XYLT1: variants seen among roughly 807,000 people sequenced by gnomAD.
The protein encoded by XYLT1 is beta-D-xylosyltransferase 1.
Under a neutral mutation model 91.3 loss-of-function variants are expected in XYLT1, and 36 were observed. That is an observed-to-expected ratio of 0.39 (90% CI 0.30 to 0.52). The LOEUF is 0.52. Among genes scored for constraint, XYLT1 ranks in the 20% least tolerant of loss-of-function variants. The pLI is 0.68. For synonymous variants in XYLT1, 588 were observed against 532.0 expected, an observed-to-expected ratio of 1.11 and a Z score of -1.45; for missense variants, 1,242 against 1,284.5, an observed-to-expected ratio of 0.97 and a Z score of 0.51.
chr16:17,135,999 G>A (rs954392353), intron 8 of XYLT1, among the ~76,000 whole-genome samples: 1 of 152,118 alleles, frequency 6.6e-6, no homozygotes, highest in Non-Finnish European at 1.5e-5. Context: ...TAAAACACAG[G>A]TCTCTCCCTT....
chr16:17,203,575 C>T (rs1460775017), intron 3 of XYLT1, among the ~76,000 whole-genome samples: 1 of 151,612 alleles, frequency 6.6e-6, no homozygotes, highest in African/African-American at 2.4e-5. Flanking sequence ...CATCCATCCA[C>T]CCACTCATCC....
chr16:17,291,078 G>A (rs1411769447), intron 2 of XYLT1, among the ~76,000 whole-genome samples: 3 of 152,210 alleles, frequency 2.0e-5, no homozygotes. Flanking sequence ...AGGACTGCAG[G>A]TGCACACCAC....
intron 5 of XYLT1, among the ~76,000 whole-genome samples, chr16:17,169,040 A>G (rs2031763450): frequency 6.6e-6 from 1 of 152,228 alleles, no homozygotes; most frequent in Admixed American, 6.5e-5. Flanking sequence ...TCTCCTGGGA[A>G]AAATATGACT....
chr16:17,357,880 G>T, intron 2 of XYLT1, 132 bp downstream of exon 2: 2 of 898,972 alleles, frequency 2.2e-6, no homozygotes, highest in Middle Eastern at 3.0e-4. Context: ...TACATGTGCA[G>T]GCACACACAC....
chr16:17,335,713 C>T (rs1281590178), intron 2 of XYLT1, among the ~76,000 whole-genome samples: 1 of 142,392 alleles, frequency 7.0e-6, no homozygotes, highest in African/African-American at 2.6e-5. Flanking sequence ...AAAAAAAAAT[C>T]ATTCATTGAG....
chr16:17,432,559 G>A (rs1205945051), intron 1 of XYLT1, among the ~76,000 whole-genome samples: 1 of 152,032 alleles, frequency 6.6e-6, no homozygotes, highest in Non-Finnish European at 1.5e-5. Context: ...GTCTTATCAG[G>A]GTTATGAAAA....
chr16:17,117,553 C>T lies in XYLT1; in HGVS notation c.2557+93G>A, dbSNP rs112968896. Reference sequence around the variant, plus strand: ...CTGTTCTGTGAGGCCGCTGCTTACCCTATGTCTGAGCAGTGCTGCCTACCA... The same window carrying T: ...CTGTTCTGTGAGGCCGCTGCTTACCTTATGTCTGAGCAGTGCTGCCTACCA... On this transcript the variant is annotated intron_variant, in intron 11 of 11. Coordinates refer to ENST00000261381, the MANE Select transcript of XYLT1 (RefSeq NM_022166.4). The T allele has an allele frequency of 7.9e-4, 1,083 of 1,373,568 alleles. 8 individuals carry two copies. The African/African-American group carries it at 0.014, about 17-fold the overall frequency. The allele number at this position is 1,373,568 out of a possible 1,614,324, so 85.1% of individuals were successfully genotyped here.
At chr16:17,337,991 G>A (rs962074224) in intron 2 of XYLT1, among the ~76,000 whole-genome samples, 1 of 151,784 alleles carries the variant, frequency 6.6e-6, no homozygotes, top group Non-Finnish European at 1.5e-5. Flanking sequence ...TGGCCAGGCT[G>A]GTCTTGAACT....
chr16:17,353,111 G>A (rs1453965118), intron 2 of XYLT1, among the ~76,000 whole-genome samples: 2 of 152,136 alleles, frequency 1.3e-5, no homozygotes, highest in African/African-American at 4.8e-5. Context: ...TCAAGTATCT[G>A]GTTGGTTTTG....
At chr16:17,411,498 G>A (rs1206036610) in intron 1 of XYLT1, among the ~76,000 whole-genome samples, 1 of 152,194 alleles carries the variant, frequency 6.6e-6, no homozygotes, top group Non-Finnish European at 1.5e-5. Context: ...GGTATTCTCT[G>A]TCATTTCTCC....
In XYLT1 at chr16:17,198,347, G is replaced by A. The variant is rs36098987; in HGVS notation, c.1154C>T (p.Pro385Leu). ...TCCCCAGATGGTGGCCATTCTCCAG[G>A]GGGTGACGCGGACATTGCTGTACTG... is the stretch of plus-strand genomic sequence containing the variant. ...SRQYSNVRVT[P>L]WRMATIWGGA... Residue 385 changes from proline (P) to leucine (L), a missense_variant, in exon 5 of 12, where the codon CCC (proline) becomes CTC (leucine). By Grantham distance (98) the Pro-to-Leu change is moderately conservative. Coordinates refer to ENST00000261381, the MANE Select transcript of XYLT1 (RefSeq NM_022166.4). 4.9e-3 allele frequency: 7,903 copies of A among 1,614,226 alleles called. 29 individuals are homozygous for A. The highest frequency in any genetic ancestry group is 5.9e-3 in the Non-Finnish European group (6,924 of 1,180,026).
At position 17,257,525 on chromosome 16, in the gene XYLT1, G is replaced by A. The variant is rs74010565; in HGVS notation, c.913+1463C>T. ...CCAAGGAAAAAAGTAAAATTTAAGA[G>A]TGCTCCCAGAGGCTGGATTATCGTA... On this transcript the variant is annotated intron_variant, in intron 3 of 11. Coordinates refer to ENST00000261381, the MANE Select transcript of XYLT1 (RefSeq NM_022166.4). Among the ~76,000 whole-genome samples the A allele has an allele frequency of 2.6e-3, 403 of 152,242 alleles. 1 individual carries two copies. Among genetic ancestry groups the A allele is most frequent in the African/African-American group, 8.8e-3 (367 of 41,534 alleles).
At chr16:17,262,330 T>G (rs1253454790) in intron 2 of XYLT1, among the ~76,000 whole-genome samples, 2 of 152,102 alleles carry the variant, frequency 1.3e-5, no homozygotes, top group Non-Finnish European at 2.9e-5. Flanking sequence ...AAAATAAGGT[T>G]GGGGATGTCG....
chr16:17,110,957 C>T (rs1319795084), intron 11 of XYLT1, among the ~76,000 whole-genome samples: 7 of 152,048 alleles, frequency 4.6e-5, no homozygotes, highest in South Asian at 2.1e-4. Context: ...GTCAGGAGTT[C>T]GAGACCAGCC....
chr16:17,335,126 G>A (rs2034959413), intron 2 of XYLT1, among the ~76,000 whole-genome samples: 1 of 151,480 alleles, frequency 6.6e-6, no homozygotes, highest in Non-Finnish European at 1.5e-5. Context: ...TCAGGAGGCT[G>A]AGGCACAAGA....
intron 3 of XYLT1, among the ~76,000 whole-genome samples, chr16:17,245,117 C>T (rs1000166574): frequency 1.3e-5 from 2 of 152,114 alleles, no homozygotes; most frequent in East Asian, 1.9e-4. Flanking sequence ...ATGGGACTGA[C>T]GGATCAGGGT....
rs144240123 is a variant in XYLT1 at position 17,446,592 on chromosome 16, G to A, written c.363+23842C>T. 9.9e-5 allele frequency among the ~76,000 whole-genome samples: 15 copies of A among 152,278 alleles called. No individual in the cohort carries two copies. In the East Asian group the frequency reaches 2.9e-3, roughly 29 times the overall value. On this transcript the variant is annotated intron_variant, in intron 1 of 11. Coordinates refer to ENST00000261381, the MANE Select transcript of XYLT1 (RefSeq NM_022166.4). ...GAGTGTCATATTCAGAAAACACAGT[G>A]CCCCTCCCAGTCTTGGGAGTGAGAC... is the stretch of plus-strand genomic sequence containing the variant.
intron 1 of XYLT1, among the ~76,000 whole-genome samples, chr16:17,379,750 C>CTT (rs2035648581): frequency 7.2e-6 from 1 of 138,420 alleles, no homozygotes; most frequent in African/African-American, 2.9e-5. Context: ...CTCTCTCTCT[C>CTT]TCTCTCTCTC....
At chr16:17,452,602 A>G (rs762441333) in intron 1 of XYLT1, among the ~76,000 whole-genome samples, 12 of 152,214 alleles carry the variant, frequency 7.9e-5, no homozygotes, top group Non-Finnish European at 1.5e-4. Flanking sequence ...TAATCAATAT[A>G]TAATCTGAAA....
Sources: allele counts gnomAD v4.1 joint callset (sites outside exome capture counted in the v4.1 genomes callset), GRCh38; gene constraint gnomAD v4.1.1; transcripts MANE v1.5; gene names NCBI Gene and HGNC (gene_info 2026-07-23, HGNC 2026-07-21).